Variants in ATG5 observed in about 807,000 individuals in gnomAD.
ATG5 encodes autophagy protein 5.
Under a neutral mutation model 36.5 loss-of-function variants are expected in ATG5, and 14 were observed. The ratio of observed to expected loss-of-function variants is 0.38; its 90% CI spans 0.25 to 0.60. The LOEUF is 0.60. Ranked by LOEUF, ATG5 falls within the 20% of genes least tolerant of loss-of-function variation. The pLI is 0.60. For synonymous variants in ATG5, 95 were observed against 101.5 expected (o/e 0.94, Z 0.38); for missense variants, 195 against 326.7 (o/e 0.60, Z 3.11).
chr6:106,278,388 T>G (rs1364089917), intron 5 of ATG5, among the ~76,000 whole-genome samples: 1 of 152,218 alleles, frequency 6.6e-6, no homozygotes, highest in Non-Finnish European at 1.5e-5. Context: ...CTTCTAATAT[T>G]TTATTATTTG....
At chr6:106,245,724 T>G (rs886406472) in intron 6 of ATG5, among the ~76,000 whole-genome samples, 6 of 152,094 alleles carry the variant, frequency 3.9e-5, no homozygotes, top group Non-Finnish European at 8.8e-5. Context: ...GAATCTAGAT[T>G]TTCAGATTTT....
chr6:106,202,291 A>G (rs1468307173), intron 6 of ATG5: 6 of 454,778 alleles, frequency 1.3e-5, no homozygotes, highest in Admixed American at 7.4e-5. Context: ...GAGGAAACAG[A>G]CAAATCCAAA....
chr6:106,292,317 T>C (rs976442479), intron 4 of ATG5, among the ~76,000 whole-genome samples: 2 of 152,056 alleles, frequency 1.3e-5, no homozygotes, highest in Non-Finnish European at 2.9e-5. Context: ...AAAAACCAAA[T>C]GGTGTTTGTG....
At chr6:106,214,201 A>G (rs986284150) in intron 6 of ATG5, among the ~76,000 whole-genome samples, 20 of 152,184 alleles carry the variant, frequency 1.3e-4, no homozygotes, top group African/African-American at 4.8e-4. Context: ...AAATTAGCTT[A>G]AGAATGTACA....
chr6:106,190,424 C>T (rs1210828145), intron 7 of ATG5, among the ~76,000 whole-genome samples: 2 of 152,202 alleles, frequency 1.3e-5, no homozygotes, highest in East Asian at 1.9e-4. Context: ...CCTCCCAACA[C>T]TGCTGCATTG....
rs1409451289 is a variant in ATG5, at chr6:106,186,626, C to T, written c.742G>A (p.Glu248Lys). The change falls in exon 8 of 8, where the codon GAA becomes AAA. Residue 248 changes from glutamate to lysine, a missense_variant. Glu to Lys is a moderately conservative substitution (Grantham distance 56). Coordinates refer to ENST00000369076, the MANE Select transcript of ATG5 (RefSeq NM_004849.4). ...VMIHGIEPML[E>K]TPLQWLSEHL... ...TCACTCAGCCACTGCAGAGGTGTTTCCAACATTGGCTCAATTCCATGAATC... is the reference window on the plus strand; with the variant it reads ...TCACTCAGCCACTGCAGAGGTGTTTTCAACATTGGCTCAATTCCATGAATC... The T allele has an allele frequency of 6.2e-7, 1 of 1,613,780 alleles. No homozygotes were observed. Among genetic ancestry groups the T allele is most frequent in the Admixed American group, 1.7e-5 (1 of 59,970 alleles).
chr6:106,196,077 C>T (rs1221050993), intron 7 of ATG5, among the ~76,000 whole-genome samples: 1 of 152,052 alleles, frequency 6.6e-6, no homozygotes, highest in East Asian at 1.9e-4. Context: ...TGTTCATAAT[C>T]ACCATTTAAA....
chr6:106,307,565 G>A (rs1206804810), intron 3 of ATG5, among the ~76,000 whole-genome samples: 1 of 127,692 alleles, frequency 7.8e-6, no homozygotes, highest in African/African-American at 3.0e-5. Flanking sequence ...TTGAGACAGA[G>A]TTTCACTCTT....
chr6:106,285,031 C>T (rs1780024378), intron 4 of ATG5, among the ~76,000 whole-genome samples: 1 of 152,294 alleles, frequency 6.6e-6, no homozygotes, highest in South Asian at 2.1e-4. Flanking sequence ...GACCCATTCT[C>T]TCTCCTCTCC....
chr6:106,229,611 C>A (rs1353634432), intron 6 of ATG5, among the ~76,000 whole-genome samples: 1 of 152,122 alleles, frequency 6.6e-6, no homozygotes, highest in Non-Finnish European at 1.5e-5. Flanking sequence ...AATGTAAAAC[C>A]TATAATTGAT....
intron 6 of ATG5, among the ~76,000 whole-genome samples, chr6:106,232,947 C>T (rs1470242264): frequency 2.6e-5 from 4 of 152,162 alleles, no homozygotes; most frequent in Middle Eastern, 3.2e-3. Context: ...TGGACTGTTT[C>T]ACCCCAAGGG....
At position 106,217,266 on chromosome 6, in the gene ATG5, T is replaced by C. The variant is rs543986170; in HGVS notation, c.574-15177A>G. The stretch of plus-strand genomic sequence containing the variant: ...GTTACCTGTAGGAATTTAAATAACT[T>C]TGTCTTAACTGTTCACCAAAACTCA... On this transcript the variant is annotated intron_variant, in intron 6 of 7. Transcript: ENST00000369076. Among the ~76,000 whole-genome samples, 58 of 152,308 alleles carry C rather than the reference T, an allele frequency of 3.8e-4. 1 individual carries two copies. The highest frequency in any genetic ancestry group is 3.9e-4 in the East Asian group (2 of 5,186).
chr6:106,302,506 A>G (rs2114651878), intron 3 of ATG5, among the ~76,000 whole-genome samples: 1 of 152,202 alleles, frequency 6.6e-6, no homozygotes. Flanking sequence ...AAAAGCAGGA[A>G]GACAAATTAA....
Position 106,322,945 on chromosome 6 carries a change from G to A in ATG5, c.-59+2581C>T, listed in dbSNP as rs568466929. ...TTTATTTTATTTTATTTTGAGACGGGGTCTCGCTCTGTCGCCCAGGCTGGA... is the reference window on the plus strand; with the variant it reads ...TTTATTTTATTTTATTTTGAGACGGAGTCTCGCTCTGTCGCCCAGGCTGGA... On this transcript the variant is annotated intron_variant, in intron 1 of 7. Transcript: ENST00000369076. Among the ~76,000 whole-genome samples, 716 of 151,530 alleles carry A rather than the reference G, an allele frequency of 4.7e-3. 6 individuals carry two copies. Among genetic ancestry groups the A allele is most frequent in the Non-Finnish European group, 5.9e-3 (397 of 67,684 alleles).
At chr6:106,292,626 A>G (rs1780358526) in intron 4 of ATG5, among the ~76,000 whole-genome samples, 1 of 152,180 alleles carries the variant, frequency 6.6e-6, no homozygotes, top group South Asian at 2.1e-4. Context: ...ACTTTTAAAA[A>G]TTAACACCAA....
rs974454550 is a variant in ATG5, at chr6:106,240,000, C to CT, written c.573+8149dup. On this transcript the variant is annotated intron_variant, in intron 6 of 7. Transcript: ENST00000369076. ...ACAACACATTGTGGGAAAGGACCTT[C>CT]TTTTTTTTTTGAGACGGGGTCTTGC... Among the ~76,000 whole-genome samples, 1,336 of 148,888 alleles carry CT rather than the reference C, an allele frequency of 9.0e-3. 30 individuals are homozygous for CT. The highest frequency in any genetic ancestry group is 0.039 in the Admixed American group (587 of 14,898).
chr6:106,198,314 G>C (rs1050512163), intron 7 of ATG5, among the ~76,000 whole-genome samples: 1 of 152,116 alleles, frequency 6.6e-6, no homozygotes, highest in Non-Finnish European at 1.5e-5. Context: ...CAGGTAGTTA[G>C]GAAAGAGACT....
intron 6 of ATG5, among the ~76,000 whole-genome samples, chr6:106,218,773 C>T (rs1324637101): frequency 6.6e-6 from 1 of 152,098 alleles, no homozygotes; most frequent in Non-Finnish European, 1.5e-5. Context: ...CAGAATATGA[C>T]TTACTTCTTA....
chr6:106,234,599 C>T (rs1334599386), intron 6 of ATG5, among the ~76,000 whole-genome samples: 4 of 151,358 alleles, frequency 2.6e-5, no homozygotes, highest in Non-Finnish European at 4.4e-5. Flanking sequence ...CTTAGCCTAT[C>T]GTTGTTTGAA....
Sources: gnomAD v4.1 joint callset for allele counts (sites outside exome capture counted in the v4.1 genomes callset) on GRCh38, gnomAD v4.1.1 for gene constraint, MANE v1.5 for transcripts, NCBI Gene and HGNC (gene_info 2026-07-23, HGNC 2026-07-21) for gene names.